CCSER1: variants seen among roughly 807,000 people sequenced by gnomAD.
The protein encoded by CCSER1 is serine-rich coiled-coil domain-containing protein 1.
A neutral mutation model predicts 82.0 loss-of-function variants in CCSER1; 41 were observed. That is an observed-to-expected ratio of 0.50 (90% CI 0.39 to 0.65). The LOEUF is 0.65. CCSER1 is among the 30% of genes least tolerant of loss of function. CCSER1 has a pLI of 0.00. For synonymous variants in CCSER1, 414 were observed against 383.9 expected (o/e 1.08, Z -0.92); for missense variants, 1,119 against 1,064.2 (o/e 1.05, Z -0.72).
At chr4:91,167,870 C>T (rs1053489552) in intron 10 of CCSER1, among the ~76,000 whole-genome samples, 5 of 152,266 alleles carry the variant, frequency 3.3e-5, no homozygotes, top group Non-Finnish European at 1.5e-5. Context: ...TATGGCTGCT[C>T]ACCCCATCTG....
intron 1 of CCSER1, among the ~76,000 whole-genome samples, chr4:90,229,039 A>G (rs941787104): frequency 1.3e-5 from 2 of 152,186 alleles, no homozygotes; most frequent in Non-Finnish European, 2.9e-5. Context: ...CAAGTTGGAA[A>G]ACACTCTGCA....
chr4:90,222,885 A>T (rs1394793593), intron 1 of CCSER1, among the ~76,000 whole-genome samples: 1 of 152,184 alleles, frequency 6.6e-6, no homozygotes, highest in Non-Finnish European at 1.5e-5. Context: ...TTGCAAAATT[A>T]TAGTACAGTA....
At chr4:90,845,133 C>A (rs562773726) in intron 8 of CCSER1, among the ~76,000 whole-genome samples, 1 of 152,182 alleles carries the variant, frequency 6.6e-6, no homozygotes, top group African/African-American at 2.4e-5. Context: ...GGGGCCGAGG[C>A]AGGCAGATCA....
chr4:91,288,268 A>G (rs925713827), intron 10 of CCSER1, among the ~76,000 whole-genome samples: 2 of 151,644 alleles, frequency 1.3e-5, no homozygotes, highest in African/African-American at 4.8e-5. Flanking sequence ...TACCCTTATA[A>G]TAACAACACA....
intron 8 of CCSER1, among the ~76,000 whole-genome samples, chr4:90,840,043 A>T (rs1319485715): frequency 3.3e-5 from 5 of 151,990 alleles, no homozygotes; most frequent in Non-Finnish European, 7.4e-5. Flanking sequence ...TATATGTTAT[A>T]TAATCCATAT....
At chr4:90,582,752 C>T (rs1781541551) in intron 5 of CCSER1, among the ~76,000 whole-genome samples, 1 of 151,986 alleles carries the variant, frequency 6.6e-6, no homozygotes. Context: ...TTAAAGTAAC[C>T]CTTTTCAGGT....
At chr4:90,352,838 C>G (rs938687257) in intron 3 of CCSER1, among the ~76,000 whole-genome samples, 2 of 152,074 alleles carry the variant, frequency 1.3e-5, no homozygotes, top group Non-Finnish European at 2.9e-5. Context: ...GTAAAGTATA[C>G]TATTTTTGAA....
At chr4:90,184,940 G>A (rs1488222583) in intron 1 of CCSER1, among the ~76,000 whole-genome samples, 1 of 152,054 alleles carries the variant, frequency 6.6e-6, no homozygotes, top group Non-Finnish European at 1.5e-5. Flanking sequence ...AACAATTCCT[G>A]CCTCTGTGCC....
intron 3 of CCSER1, among the ~76,000 whole-genome samples, chr4:90,350,336 G>A (rs946047161): frequency 6.6e-6 from 1 of 152,030 alleles, no homozygotes; most frequent in Non-Finnish European, 1.5e-5. Context: ...GCAATGCTCA[G>A]GGAAAAATCC....
chr4:91,400,444 G>A (rs1752245827), intron 10 of CCSER1, among the ~76,000 whole-genome samples: 1 of 150,606 alleles, frequency 6.6e-6, no homozygotes, highest in South Asian at 2.1e-4. Context: ...AGCAATATAT[G>A]CTTTTCAATG....
intron 9 of CCSER1, among the ~76,000 whole-genome samples, chr4:91,063,936 A>G (rs1234754945): frequency 1.3e-5 from 2 of 152,184 alleles, no homozygotes; most frequent in Non-Finnish European, 2.9e-5. Context: ...TAAGTTGATC[A>G]TAAAATCCTG....
chr4:91,417,055 G>T (rs892000877), intron 10 of CCSER1, among the ~76,000 whole-genome samples: 3 of 151,830 alleles, frequency 2.0e-5, no homozygotes, highest in Non-Finnish European at 1.5e-5. Flanking sequence ...GGACATAAAT[G>T]GACACTTCTC....
rs536657570 is a variant in CCSER1 at position 91,464,072 on chromosome 4, AT to A, written c.2218-134499del. 1.8e-4 allele frequency among the ~76,000 whole-genome samples: 27 copies of A among 152,330 alleles called. No homozygotes were observed. In the East Asian group the frequency reaches 5.2e-3, roughly 29 times the overall value. On this transcript the variant is annotated intron_variant, in intron 10 of 10. Transcript: ENST00000509176. ...AATTGTCAGATTTACTGAAGTTGAA[AT>A]AAAGGAAAAAATGTTAAGGGCAGCC...
intron 4 of CCSER1, among the ~76,000 whole-genome samples, chr4:90,461,216 C>T (rs1762876134): frequency 7.2e-6 from 1 of 139,280 alleles, no homozygotes; most frequent in South Asian, 2.2e-4. Context: ...CAGGCGCCCG[C>T]CACTACGCCC....
chr4:90,290,746 A>G (rs1285045114), intron 1 of CCSER1, among the ~76,000 whole-genome samples: 4 of 151,854 alleles, frequency 2.6e-5, no homozygotes, highest in African/African-American at 9.7e-5. Flanking sequence ...GTCGCTTAAA[A>G]CTTTTCTTGA....
intron 4 of CCSER1, among the ~76,000 whole-genome samples, chr4:90,411,752 G>A (rs1754871933): frequency 1.1e-4 from 16 of 152,152 alleles, no homozygotes; most frequent in Admixed American, 1.0e-3. Context: ...ATTCAACATA[G>A]TGTTGGCAGT....
intron 5 of CCSER1, among the ~76,000 whole-genome samples, chr4:90,493,579 A>G (rs1768450088): frequency 6.6e-6 from 1 of 152,220 alleles, no homozygotes. Flanking sequence ...TAGAAACTCT[A>G]CAAGCCAGAA....
At chr4:90,972,576 T>C (rs1453161012) in intron 9 of CCSER1, among the ~76,000 whole-genome samples, 1 of 151,710 alleles carries the variant, frequency 6.6e-6, no homozygotes, top group Non-Finnish European at 1.5e-5. Context: ...AAAAATAATA[T>C]TCTTAAAATA....
chr4:91,102,205 T>C (rs1252605503), intron 10 of CCSER1, among the ~76,000 whole-genome samples: 1 of 152,140 alleles, frequency 6.6e-6, no homozygotes, highest in African/African-American at 2.4e-5. Context: ...TTAGATCCCA[T>C]GCAATAAAAA....
Sources: allele counts gnomAD v4.1 joint callset (sites outside exome capture counted in the v4.1 genomes callset), GRCh38; gene constraint gnomAD v4.1.1; transcripts MANE v1.5; gene names NCBI Gene and HGNC (gene_info 2026-07-23, HGNC 2026-07-21).